The following CTNNA2 variants were observed in gnomAD, a reference collection of about 807,000 sequenced individuals.
CTNNA2 encodes the protein catenin alpha 2.
CTNNA2 carries 42 observed loss-of-function variants against 101.0 expected under a neutral mutation model. The ratio of observed to expected loss-of-function variants is 0.42; its 90% CI spans 0.32 to 0.54. The LOEUF (loss-of-function observed/expected upper bound fraction) is 0.54, where lower values mean the gene tolerates loss of function less well. Among genes scored for constraint, CTNNA2 ranks in the 20% least tolerant of loss-of-function variants. The probability of loss-of-function intolerance (pLI) is 0.14; values close to 1 mark genes in which losing one functional copy is unlikely to be tolerated. For synonymous variants in CTNNA2, 450 were observed against 456.4 expected, an observed-to-expected ratio of 0.99 and a Z score of 0.18; for missense variants, 871 against 1,223.1, an observed-to-expected ratio of 0.71 and a Z score of 4.29.
At chr2:80,547,344 G>A (rs1234639505) in intron 11 of CTNNA2, among the ~76,000 whole-genome samples, 2 of 152,052 alleles carry the variant, frequency 1.3e-5, no homozygotes, top group East Asian at 1.9e-4. Flanking sequence ...TATAAAATAG[G>A]TACTACTAAT....
intron 7 of CTNNA2, among the ~76,000 whole-genome samples, chr2:80,328,907 C>T (rs920221693): frequency 1.3e-5 from 2 of 152,008 alleles, no homozygotes; most frequent in Admixed American, 6.6e-5. Flanking sequence ...TCTGCAATGC[C>T]AATATGAAGG....
intron 4 of CTNNA2, among the ~76,000 whole-genome samples, chr2:79,458,915 C>G (rs1404857538): frequency 6.6e-6 from 1 of 152,020 alleles, no homozygotes; most frequent in African/African-American, 2.4e-5. Flanking sequence ...ATACATGCCA[C>G]AGAAAAGCTT....
At chr2:79,468,382 G>T (rs1296648958) in intron 4 of CTNNA2, among the ~76,000 whole-genome samples, 1 of 152,088 alleles carries the variant, frequency 6.6e-6, no homozygotes, top group Non-Finnish European at 1.5e-5. Context: ...CATAAAGCAA[G>T]CCCTTAGAGA....
chr2:79,250,580 G>A (rs1674758040), intron 2 of CTNNA2, among the ~76,000 whole-genome samples: 1 of 152,166 alleles, frequency 6.6e-6, no homozygotes, highest in Non-Finnish European at 1.5e-5. Flanking sequence ...AGCTTTTCTG[G>A]ATTTGCGTAA....
chr2:79,531,137 G>A (rs13385482), intron 1 of CTNNA2, among the ~76,000 whole-genome samples: 96,986 of 147,056 alleles, frequency 0.66, 31,980 homozygotes, highest in Non-Finnish European at 0.67. Context: ...ATTTAAAGAA[G>A]TTCTTTTGTA....
At chr2:80,500,411 C>A (rs1052852788) in intron 9 of CTNNA2, among the ~76,000 whole-genome samples, 20 of 152,142 alleles carry the variant, frequency 1.3e-4, no homozygotes, top group Admixed American at 6.6e-5. Context: ...ATCCGCCTAC[C>A]CATCTATCTG....
chr2:80,315,719 G>C (rs1419678937), intron 7 of CTNNA2, among the ~76,000 whole-genome samples: 1 of 152,174 alleles, frequency 6.6e-6, no homozygotes, highest in East Asian at 1.9e-4. Flanking sequence ...GGAGAAATAG[G>C]CTCCACCTCT....
intron 2 of CTNNA2, among the ~76,000 whole-genome samples, chr2:79,227,064 A>G (rs1674425751): frequency 6.6e-6 from 1 of 152,168 alleles, no homozygotes; most frequent in Non-Finnish European, 1.5e-5. Flanking sequence ...TTAAAAATGA[A>G]AATATACCTG....
chr2:79,452,829 T>C (rs1345700867), intron 4 of CTNNA2, among the ~76,000 whole-genome samples: 1 of 152,106 alleles, frequency 6.6e-6, no homozygotes, highest in African/African-American at 2.4e-5. Context: ...TAGTCACTCA[T>C]TGAGTTCCAT....
chr2:79,688,153 A>C (rs79581637), intron 2 of CTNNA2, among the ~76,000 whole-genome samples: 23,082 of 151,988 alleles, frequency 0.15, 2,154 homozygotes, highest in Admixed American at 0.23. Flanking sequence ...AGTTGGCAGA[A>C]ACAAATTTTC....
chr2:80,433,161 C>T (rs1431990899), intron 9 of CTNNA2, among the ~76,000 whole-genome samples: 1 of 152,240 alleles, frequency 6.6e-6, no homozygotes, highest in East Asian at 1.9e-4. Context: ...TCAAGTATCT[C>T]TGTTACGTAG....
At chr2:79,850,839 CT>C (rs1470948604) in intron 3 of CTNNA2, among the ~76,000 whole-genome samples, 1 of 152,148 alleles carries the variant, frequency 6.6e-6, no homozygotes, top group Non-Finnish European at 1.5e-5. Context: ...ATTGTGAGCT[CT>C]TAAAAAGAGA....
rs374160936 is a variant in CTNNA2 at position 79,976,449 on chromosome 2, G to A, written c.1056+66652G>A. ...ATGTAAACGGATTATGTCTCCATTC[G>A]AGAGCACTTTTGCTTTCTCTAGATG... On this transcript the variant is annotated intron_variant, in intron 7 of 18. Coordinates refer to ENST00000402739, the MANE Select transcript of CTNNA2 (RefSeq NM_001282597.3). Among the ~76,000 whole-genome samples the A allele has an allele frequency of 1.8e-4, 28 of 152,194 alleles. No individual in the cohort carries two copies. The East Asian group carries it at 3.9e-3, about 21-fold the overall frequency.
At chr2:79,412,748 G>A (rs992570975) in intron 4 of CTNNA2, among the ~76,000 whole-genome samples, 6 of 152,100 alleles carry the variant, frequency 3.9e-5, no homozygotes, top group South Asian at 2.1e-4. Flanking sequence ...TCAAAGCAGT[G>A]TGTAGAGGGA....
At chr2:79,203,310 A>G (rs572150628) in intron 2 of CTNNA2, among the ~76,000 whole-genome samples, 141 of 152,342 alleles carry the variant, frequency 9.3e-4, no homozygotes, top group African/African-American at 3.2e-3. Flanking sequence ...AATAATATTC[A>G]GAAAATGGCA....
intron 4 of CTNNA2, among the ~76,000 whole-genome samples, chr2:79,455,833 C>A (rs1388633112): frequency 1.3e-5 from 2 of 152,176 alleles, no homozygotes; most frequent in Admixed American, 1.3e-4. Context: ...GACCTATTTT[C>A]TCACTACTGA....
At chr2:80,546,107 G>A (rs1363407209) in intron 11 of CTNNA2, 44 bp downstream of exon 11, 5 of 1,604,158 alleles carry the variant, frequency 3.1e-6, no homozygotes, top group Non-Finnish European at 4.3e-6. Flanking sequence ...CTGGAGGAGG[G>A]TAACTGAACG....
intron 2 of CTNNA2, among the ~76,000 whole-genome samples, chr2:79,668,229 A>C (rs1188131718): frequency 2.3e-5 from 3 of 131,616 alleles, no homozygotes; most frequent in Non-Finnish European, 4.7e-5. Flanking sequence ...CCTGGGCGAC[A>C]GAGCGAGACT....
intron 7 of CTNNA2, among the ~76,000 whole-genome samples, chr2:80,263,000 G>T (rs556039851): frequency 7.8e-4 from 119 of 152,088 alleles, no homozygotes; most frequent in African/African-American, 2.8e-3. Flanking sequence ...GTGCCAGAAC[G>T]GAATTATGTA....
Sources: allele counts gnomAD v4.1 joint callset (sites outside exome capture counted in the v4.1 genomes callset), GRCh38; gene constraint gnomAD v4.1.1; transcripts MANE v1.5; gene names NCBI Gene and HGNC (gene_info 2026-07-23, HGNC 2026-07-21).